NUP98: variants seen among roughly 807,000 people sequenced by gnomAD.
The protein encoded by NUP98 is nuclear pore complex protein Nup98-Nup96.
Under a neutral mutation model 191.9 loss-of-function variants are expected in NUP98, and 26 were observed. The observed-to-expected ratio is 0.14, with a 90% confidence interval of 0.10 to 0.19. The LOEUF (loss-of-function observed/expected upper bound fraction) is 0.19. NUP98 is among the 10% of genes least tolerant of loss of function. The pLI is 1.00. For synonymous variants in NUP98, 808 were observed against 778.4 expected (o/e 1.04, Z -0.63); for missense variants, 1,941 against 2,178.8 (o/e 0.89, Z 2.17).
chr11:3,797,553 G>A lies in NUP98; in HGVS notation c.-182C>T, dbSNP rs1357314900. 2.1e-6 allele frequency: 1 copy of A among 485,724 alleles called. No individual in the cohort carries two copies. The highest frequency in any genetic ancestry group is 3.6e-6 in the Non-Finnish European group (1 of 277,508). The allele number at this position is 485,724 out of a possible 1,614,324, so 30.1% of individuals were successfully genotyped here. ...GGCGCAGCGCGCAGAGGGCCCGACT[G>A]CGTCACACGCCGCCCGGCGTCAGAG... On this transcript the variant is annotated 5_prime_UTR_variant, in exon 1 of 33. Coordinates refer to ENST00000324932, the MANE Select transcript of NUP98 (RefSeq NM_016320.5).
chr11:3,701,975 A>T (rs1270328969), intron 23 of NUP98, among the ~76,000 whole-genome samples: 1 of 149,092 alleles, frequency 6.7e-6, no homozygotes, highest in Non-Finnish European at 1.5e-5. Context: ...GTTGTTTTTT[A>T]TTTTTTCAAA....
At chr11:3,770,573 G>T (rs1004758843) in intron 7 of NUP98, among the ~76,000 whole-genome samples, 1 of 151,548 alleles carries the variant, frequency 6.6e-6, no homozygotes, top group Admixed American at 6.6e-5. Flanking sequence ...GTGTGTGTGT[G>T]TATGTACATC....
rs149201951 is a variant in NUP98, at chr11:3,717,421, GTTTA to G, written c.2399+1987_2399+1990del. On this transcript the variant is annotated intron_variant, in intron 18 of 32. Transcript: ENST00000324932. ...ACAAGTCATTTACCTCCCTGGTTAA[GTTTA>G]TTTGTGTATATTTTATTCTTTTTGA... Among the ~76,000 whole-genome samples, 942 of 152,232 alleles carry G rather than the reference GTTTA, an allele frequency of 6.2e-3. 10 individuals carry two copies. Among genetic ancestry groups the G allele is most frequent in the African/African-American group, 0.021 (892 of 41,548 alleles).
At position 3,691,376 on chromosome 11, in the gene NUP98, G is replaced by A. The variant is rs769506774; in HGVS notation, c.4425C>T (p.Cys1475=). 4.3e-6 allele frequency: 7 copies of A among 1,614,192 alleles called. No homozygotes were observed. Among genetic ancestry groups the A allele is most frequent in the South Asian group, 1.1e-5 (1 of 91,086 alleles). Residue 1475 remains cysteine (C), a synonymous_variant, in exon 28 of 33, where the codon TGC becomes TGT. Coordinates refer to ENST00000324932, the MANE Select transcript of NUP98 (RefSeq NM_016320.5). ...CACTGTAGAGTTTTAGAAGGTGAAA[G>A]CAGACATCTCGAAGTGGTGTCTGTG... is the stretch of plus-strand genomic sequence containing the variant. ...QNSQTPLRDV[C]FHLLKLYSDR...
intron 23 of NUP98, among the ~76,000 whole-genome samples, chr11:3,701,608 A>C (rs2078680025): frequency 6.6e-6 from 1 of 152,088 alleles, no homozygotes; most frequent in East Asian, 1.9e-4. Context: ...GATAATGCTT[A>C]ACCTAGAATA....
At chr11:3,763,662 C>T (rs1041672962) in intron 8 of NUP98, among the ~76,000 whole-genome samples, 4 of 152,122 alleles carry the variant, frequency 2.6e-5, no homozygotes, top group African/African-American at 2.4e-5. Flanking sequence ...GATTCTCTCG[C>T]CTCAGCCTCC....
At chr11:3,714,559 T>C (rs974635314) in intron 18 of NUP98, among the ~76,000 whole-genome samples, 3 of 152,148 alleles carry the variant, frequency 2.0e-5, no homozygotes, top group Admixed American at 2.0e-4. Context: ...TAGATGCTGC[T>C]CTCCATTTCC....
rs537598624 is a variant in NUP98 at position 3,689,216 on chromosome 11, G to A, written c.4454+2131C>T. On this transcript the variant is annotated intron_variant, in intron 28 of 32. Transcript: ENST00000324932. ...CCACTGCACACCAGCCCGGGTGACA[G>A]AGCAAAACCCTGTCTAAAAACAAAA... 1.2e-3 allele frequency among the ~76,000 whole-genome samples: 182 copies of A among 152,244 alleles called. 1 individual carries two copies. The highest frequency in any genetic ancestry group is 2.2e-3 in the Non-Finnish European group (150 of 68,002).
intron 23 of NUP98, among the ~76,000 whole-genome samples, chr11:3,702,241 A>C (rs1260054138): frequency 4.2e-5 from 6 of 144,096 alleles, no homozygotes; most frequent in East Asian, 4.1e-4. Context: ...GAGACTCAAA[A>C]ACACACACAC....
intron 20 of NUP98, among the ~76,000 whole-genome samples, chr11:3,711,124 T>C (rs2079013294): frequency 6.6e-6 from 1 of 152,016 alleles, no homozygotes; most frequent in South Asian, 2.1e-4. Flanking sequence ...GTATGCCCTG[T>C]AGTCCCAGCT....
chr11:3,731,672 T>C (rs2079858843), intron 13 of NUP98, 94 bp from the exon 14 acceptor site: 1 of 834,678 alleles, frequency 1.2e-6, no homozygotes, highest in African/African-American at 1.7e-5. Flanking sequence ...ATCCTCATCT[T>C]TGTCATTCAC....
intron 24 of NUP98, 74 bp from the exon 25 acceptor site, chr11:3,699,422 T>C (rs2078610938): frequency 2.1e-5 from 32 of 1,514,674 alleles, no homozygotes; most frequent in Non-Finnish European, 2.9e-5. Context: ...TCCTTCTAAC[T>C]GTGATGTTAA....
At chr11:3,777,058 T>C (rs1044770870) in intron 4 of NUP98, among the ~76,000 whole-genome samples, 1 of 152,156 alleles carries the variant, frequency 6.6e-6, no homozygotes, top group Non-Finnish European at 1.5e-5. Flanking sequence ...TTACATACAT[T>C]ATAACATATA....
chr11:3,681,879 GA>G (rs1413306371), intron 30 of NUP98, among the ~76,000 whole-genome samples: 2 of 152,208 alleles, frequency 1.3e-5, no homozygotes. Context: ...CTCTAGCTAT[GA>G]AAGTCCTTGG....
chr11:3,760,441 A>G, intron 10 of NUP98, 98 bp downstream of exon 10: 1 of 1,533,582 alleles, frequency 6.5e-7, no homozygotes. Flanking sequence ...AACGTGTGGT[A>G]TAGTCAGTGT....
At chr11:3,743,281 T>C (rs889519699) in intron 12 of NUP98, among the ~76,000 whole-genome samples, 2 of 149,378 alleles carry the variant, frequency 1.3e-5, no homozygotes, top group Non-Finnish European at 3.0e-5. Flanking sequence ...CCTCCCAAAG[T>C]ACTGGGATTA....
intron 1 of NUP98, among the ~76,000 whole-genome samples, chr11:3,793,138 A>C (rs1203773433): frequency 1.3e-5 from 2 of 152,182 alleles, no homozygotes; most frequent in Non-Finnish European, 2.9e-5. Flanking sequence ...AAAAGGTTTG[A>C]CTGTAGTGTC....
Position 3,731,432 on chromosome 11 carries a change from A to G in NUP98, c.1689T>C (p.Asp563=). Residue 563 remains aspartate, a synonymous_variant, in exon 14 of 33, where the codon GAT becomes GAC. Coordinates refer to ENST00000324932, the MANE Select transcript of NUP98 (RefSeq NM_016320.5). ...CATTGGCTAGGGATGGTTCATCGTCATCCAGCCCATCAAAGAGATGTGACT... is the reference window on the plus strand; with the variant it reads ...CATTGGCTAGGGATGGTTCATCGTCGTCCAGCCCATCAAAGAGATGTGACT... ...TAKSHLFDGL[D]DDEPSLANGA... 1 of 1,606,920 alleles carries G rather than the reference A, an allele frequency of 6.2e-7. No homozygotes were observed. Among genetic ancestry groups the G allele is most frequent in the East Asian group, 2.2e-5 (1 of 44,710 alleles).
chr11:3,720,290 T>C (rs1056992247), intron 17 of NUP98, among the ~76,000 whole-genome samples: 10 of 152,156 alleles, frequency 6.6e-5, no homozygotes, highest in African/African-American at 2.2e-4. Context: ...ATCTCTTGCC[T>C]ATTATTCAAT....
Sources: allele counts gnomAD v4.1 joint callset (sites outside exome capture counted in the v4.1 genomes callset), GRCh38; gene constraint gnomAD v4.1.1; transcripts MANE v1.5; gene names NCBI Gene and HGNC (gene_info 2026-07-23, HGNC 2026-07-21).